The following MAP3K14 variants were observed in gnomAD, a reference collection of about 807,000 sequenced individuals.
MAP3K14 encodes mitogen-activated protein kinase kinase kinase 14.
In MAP3K14, 16 loss-of-function variants were observed where a neutral mutation model predicts 99.2. The observed-to-expected ratio is 0.16, with a 90% confidence interval of 0.11 to 0.24. The LOEUF (loss-of-function observed/expected upper bound fraction) is 0.24, where lower values mean the gene tolerates loss of function less well. Among genes scored for constraint, MAP3K14 ranks in the 10% least tolerant of loss-of-function variants. The probability of loss-of-function intolerance (pLI) is 1.00; values close to 1 mark genes in which losing one functional copy is unlikely to be tolerated. For synonymous variants in MAP3K14, 462 were observed against 492.4 expected (o/e 0.94, Z 0.82); for missense variants, 784 against 1,208.7 (o/e 0.65, Z 5.21).
intron 1 of MAP3K14, among the ~76,000 whole-genome samples, chr17:45,300,711 C>T (rs2044380805): frequency 6.6e-6 from 1 of 152,132 alleles, no homozygotes; most frequent in Admixed American, 6.6e-5. Context: ...GTCCTGACAC[C>T]CCCACTCCCT....
At chr17:45,311,841 G>C (rs1317732803) in intron 1 of MAP3K14, among the ~76,000 whole-genome samples, 1 of 152,132 alleles carries the variant, frequency 6.6e-6, no homozygotes, top group Non-Finnish European at 1.5e-5. Context: ...AGCTCCCCAG[G>C]GCCAAAGCTC....
At chr17:45,275,878 C>T (rs2044176472) in intron 6 of MAP3K14, among the ~76,000 whole-genome samples, 2 of 151,342 alleles carry the variant, frequency 1.3e-5, no homozygotes, top group Non-Finnish European at 2.9e-5. Context: ...TCTCCTGCCT[C>T]AGCCTCCCGA....
chr17:45,316,439 G>A (rs541603411), intron 1 of MAP3K14, among the ~76,000 whole-genome samples: 1 of 152,390 alleles, frequency 6.6e-6, no homozygotes, highest in Admixed American at 6.5e-5. Flanking sequence ...GCTGCGGGCG[G>A]CCAGCACTGC....
chr17:45,307,700 T>C (rs2044440787), intron 1 of MAP3K14, among the ~76,000 whole-genome samples: 1 of 152,166 alleles, frequency 6.6e-6, no homozygotes, highest in Non-Finnish European at 1.5e-5. Flanking sequence ...CTACCTGTGT[T>C]CAGAAAAGAT....
At chr17:45,298,975 A>G (rs776453139) in intron 1 of MAP3K14, among the ~76,000 whole-genome samples, 4 of 152,210 alleles carry the variant, frequency 2.6e-5, no homozygotes, top group Non-Finnish European at 5.9e-5. Flanking sequence ...CCCAAGAAAA[A>G]GGAGAGGGTG....
rs2044054112 is a variant in MAP3K14, at chr17:45,264,526, C to CG, written c.*109dup. The CG allele has an allele frequency of 2.2e-6, 3 of 1,362,652 alleles. No homozygotes were observed. The highest frequency in any genetic ancestry group is 5.4e-5 in the Admixed American group (2 of 36,980). The allele number at this position is 1,362,652 out of a possible 1,614,324, so 84.4% of individuals were successfully genotyped here. A position where few individuals can be genotyped will look rare whatever the true frequency, so the allele number is the denominator to read the frequency against. ...CGAGGCCCTGGTCCCACTGCTGAGC[C>CG]GGGGGCTGGCAGATCCCTGGGAACG... On this transcript the variant is annotated 3_prime_UTR_variant, in exon 16 of 16. Coordinates refer to ENST00000344686, the MANE Select transcript of MAP3K14 (RefSeq NM_003954.5).
intron 1 of MAP3K14, among the ~76,000 whole-genome samples, chr17:45,316,557 G>A (rs2044534940): frequency 6.6e-6 from 1 of 152,204 alleles, no homozygotes; most frequent in South Asian, 2.1e-4. Flanking sequence ...CAGATGCCAG[G>A]GCGCACTCCT....
In MAP3K14 at chr17:45,265,204, G is replaced by A. The variant is rs1266880598; in HGVS notation, c.2638C>T (p.Arg880Trp). Residue 880 changes from arginine to tryptophan, a missense_variant, in exon 15 of 16, where the codon CGG (arginine) becomes TGG (tryptophan). Physicochemically the swap from Arg to Trp is moderately radical, Grantham distance 101. This residue lies in a region of MAP3K14 where 130 missense variants were observed against 220.4 expected (regional missense o/e 0.59). Coordinates refer to ENST00000344686, the MANE Select transcript of MAP3K14 (RefSeq NM_003954.5). ...GTGGCGATGTCTCCCACTTTGACCC[G>A]GTGGAACTCCCGGATGTGCAGGTGT... Reference protein sequence around the residue: ...GEHLHIREFHRVKVGDIATGI... With the variant: ...GEHLHIREFHWVKVGDIATGI... 4.3e-6 allele frequency: 7 copies of A among 1,613,740 alleles called. No homozygotes were observed. Among genetic ancestry groups the A allele is most frequent in the Non-Finnish European group, 5.9e-6 (7 of 1,179,878 alleles).
intron 7 of MAP3K14, 43 bp from the exon 8 acceptor site, chr17:45,274,297 C>A: frequency 1.3e-6 from 2 of 1,585,186 alleles, no homozygotes; most frequent in South Asian, 1.1e-5. Context: ...CTTGCCCGAG[C>A]CTCCATGCCA....
At position 45,270,462 on chromosome 17, in the gene MAP3K14, G is replaced by T. The variant is rs753251206; in HGVS notation, c.1923C>A (p.Arg641=). Reference sequence around the variant, plus strand: ...TCCCTCCCAGCTCCGCTGCAGACACGCGGTGGATGGGCTCTTTCCTCAGCC... The same window carrying T: ...TCCCTCCCAGCTCCGCTGCAGACACTCGGTGGATGGGCTCTTTCCTCAGCC... The part of the protein sequence containing the change: ...QEGLRKEPIH[R]VSAAELGGKV... Residue 641 remains arginine (R), a synonymous_variant, in exon 11 of 16, where the codon CGC becomes CGA. Transcript: ENST00000344686. The T allele has an allele frequency of 1.2e-6, 2 of 1,612,144 alleles. No homozygotes were observed. The highest frequency in any genetic ancestry group is 1.1e-5 in the South Asian group (1 of 90,982).
chr17:45,285,638 A>AAC (rs1189401676), intron 5 of MAP3K14, among the ~76,000 whole-genome samples: 9 of 150,364 alleles, frequency 6.0e-5, no homozygotes, highest in Non-Finnish European at 1.3e-4. Flanking sequence ...AACAAAACAA[A>AAC]ACAAAAAAAT....
intron 6 of MAP3K14, among the ~76,000 whole-genome samples, chr17:45,275,155 AAAAAC>A (rs1385634043): frequency 1.3e-5 from 2 of 150,552 alleles, no homozygotes; most frequent in Admixed American, 1.3e-4. Flanking sequence ...AAAAAATTAA[AAAAAC>A]AAAACAAAAC....
At chr17:45,274,816 C>T (rs1297733607) in intron 6 of MAP3K14, among the ~76,000 whole-genome samples, 1 of 152,196 alleles carries the variant, frequency 6.6e-6, no homozygotes, top group Non-Finnish European at 1.5e-5. Context: ...TTCTGGAGTG[C>T]TGCCTGTGTG....
At chr17:45,307,735 T>C (rs981707078) in intron 1 of MAP3K14, among the ~76,000 whole-genome samples, 5 of 152,212 alleles carry the variant, frequency 3.3e-5, no homozygotes, top group African/African-American at 9.6e-5. Flanking sequence ...TCAGGCTCCC[T>C]GTATAGGAGA....
In MAP3K14 at chr17:45,267,717, G is replaced by C; in HGVS notation, c.2015C>G (p.Pro672Arg). 1 of 1,613,464 alleles carries C rather than the reference G, an allele frequency of 6.2e-7. No individual in the cohort carries two copies. The highest frequency in any genetic ancestry group is 8.5e-7 in the Non-Finnish European group (1 of 1,179,842). ...KSPWRGEYKE[P>R]RHPPPNQANY... is the part of the protein sequence containing the mutation. ...GGCTTGATTTGGCGGTGGATGTCTT[G>C]GTTCTTTATATTCTCCCCTCCAAGG... The change falls in exon 12 of 16, where the codon CCA becomes CGA. Residue 672 changes from proline (P) to arginine (R), a missense_variant. This residue lies in a region of MAP3K14 where 128 missense variants were observed against 143.3 expected (regional missense o/e 0.89). Transcript: ENST00000344686. This position sits in a 1 kb window ranked among gnomAD's most constrained non-coding sequence, Gnocchi z 5.1.
In MAP3K14 at chr17:45,286,817, G is replaced by A; in HGVS notation, c.766C>T (p.His256Tyr). Reference sequence around the variant, plus strand: ...GGCAGTCTGCTATAGGGGAAGGGGTGCGTGGGCAGGGGCAGGGGGCCTCCG... The same window carrying A: ...GGCAGTCTGCTATAGGGGAAGGGGTACGTGGGCAGGGGCAGGGGGCCTCCG... ...QDGGPLPLPT[H>Y]PFPYSRLPHP... is the part of the protein sequence containing the mutation. Residue 256 changes from histidine (H) to tyrosine (Y), a missense_variant, in exon 5 of 16, where the codon CAC becomes TAC. This residue lies in a region of MAP3K14 where 138 missense variants were observed against 164.1 expected (regional missense o/e 0.84). Transcript: ENST00000344686. The surrounding 1 kb of genome is among the most constrained non-coding windows in gnomAD (Gnocchi z 4.1). 1.9e-6 allele frequency: 3 copies of A among 1,613,486 alleles called. No homozygotes were observed. The highest frequency in any genetic ancestry group is 2.5e-6 in the Non-Finnish European group (3 of 1,179,674).
intron 6 of MAP3K14, 26 bp downstream of exon 6, chr17:45,284,786 C>G: frequency 6.4e-7 from 1 of 1,573,804 alleles, no homozygotes; most frequent in Non-Finnish European, 8.6e-7. Flanking sequence ...CTTCCCTCTT[C>G]ACTCAGCCCC....
rs575046073 is a variant in MAP3K14 at position 45,284,730 on chromosome 17, T to A, written c.1290+82A>T. On this transcript the variant is annotated intron_variant, in intron 6 of 15. Coordinates refer to ENST00000344686, the MANE Select transcript of MAP3K14 (RefSeq NM_003954.5). ...GTCAGACCCACGGCCACCCTGCGACTGTCCTGGACAGAAAGCAGAGGGAAC... is the reference window on the plus strand; with the variant it reads ...GTCAGACCCACGGCCACCCTGCGACAGTCCTGGACAGAAAGCAGAGGGAAC... 9 of 1,466,912 alleles carry A rather than the reference T, an allele frequency of 6.1e-6. No individual in the cohort carries two copies. The South Asian group carries it at 1.2e-4, about 20-fold the overall frequency. The allele number at this position is 1,466,912 out of a possible 1,614,324, so 90.9% of individuals were successfully genotyped here.
chr17:45,298,385 G>C (rs920872940), intron 1 of MAP3K14, among the ~76,000 whole-genome samples: 9 of 152,212 alleles, frequency 5.9e-5, no homozygotes, highest in African/African-American at 2.2e-4. Context: ...CACAGTACAT[G>C]TGAGTAGATT....
Sources: gnomAD v4.1 joint callset for allele counts (sites outside exome capture counted in the v4.1 genomes callset) on GRCh38, gnomAD v4.1.1 for gene constraint, gnomAD v4.1.1 regional missense constraint, Gnocchi (gnomAD v3.1) non-coding constraint, MANE v1.5 for transcripts, NCBI Gene and HGNC (gene_info 2026-07-23, HGNC 2026-07-21) for gene names.